The following TRIO variants were observed in gnomAD, a reference collection of about 807,000 sequenced individuals.
TRIO encodes trio Rho guanine nucleotide exchange factor, also known as triple functional domain protein.
A neutral mutation model predicts 351.9 loss-of-function variants in TRIO; 58 were observed. The observed-to-expected ratio is 0.16, with a 90% CI of 0.13 to 0.21. The LOEUF (loss-of-function observed/expected upper bound fraction) is 0.21, where lower values mean the gene tolerates loss of function less well. Ranked by LOEUF, TRIO falls within the 10% of genes least tolerant of loss-of-function variation. The probability of loss-of-function intolerance (pLI) is 1.00; values close to 1 mark genes in which losing one functional copy is unlikely to be tolerated. For missense variants in TRIO, 3,201 were observed against 4,027.8 expected, an observed-to-expected ratio of 0.79 and a Z score of 5.56; for synonymous variants, 1,758 against 1,595.7, an observed-to-expected ratio of 1.10 and a Z score of -2.42.
chr5:14,419,728 A>G (rs747491904), intron 33 of TRIO, 50 bp from the exon 34 acceptor site: 1 of 1,598,478 alleles, frequency 6.3e-7, no homozygotes, highest in Non-Finnish European at 8.5e-7. Flanking sequence ...ACCTGAAGGC[A>G]CCATGGCTCA....
Position 14,143,664 on chromosome 5 carries a change from CG to C in TRIO, c.-60del, listed in dbSNP as rs1787310721. On this transcript the variant is annotated 5_prime_UTR_variant, in exon 1 of 57. An upstream open reading frame in the 5' UTR loses its in-frame stop. Coordinates refer to ENST00000344204, the MANE Select transcript of TRIO (RefSeq NM_007118.4). ...GCCGCCAGGCCCGGCGCGGAGCGGG[CG>C]GCACGCGGCGCTAGGGGCGCGGGGC... is the stretch of plus-strand genomic sequence containing the variant. 1.2e-6 allele frequency: 1 copy of C among 845,416 alleles called. No homozygotes were observed. Among genetic ancestry groups the C allele is most frequent in the African/African-American group, 1.9e-5 (1 of 53,770 alleles). The allele number at this position is 845,416 out of a possible 1,614,324, so 52.4% of individuals were successfully genotyped here. A position where few individuals can be genotyped will look rare whatever the true frequency, so the allele number is the denominator to read the frequency against.
intron 11 of TRIO, among the ~76,000 whole-genome samples, chr5:14,338,572 T>G (rs1029698040): frequency 4.6e-5 from 7 of 152,320 alleles, no homozygotes; most frequent in Middle Eastern, 6.8e-3. Flanking sequence ...AGGTGATCTG[T>G]GTATGAAAAC....
chr5:14,455,910 G>T (rs2126462422), intron 34 of TRIO, among the ~76,000 whole-genome samples: 1 of 152,158 alleles, frequency 6.6e-6, no homozygotes, highest in East Asian at 1.9e-4. Flanking sequence ...TCAGCCCTTG[G>T]GCAGTCGATG....
At chr5:14,500,774 A>G (rs547061122) in intron 53 of TRIO, among the ~76,000 whole-genome samples, 18 of 151,940 alleles carry the variant, frequency 1.2e-4, no homozygotes, top group Non-Finnish European at 2.2e-4. Flanking sequence ...TGTGGTCCCA[A>G]CTACTCTGGA....
intron 1 of TRIO, among the ~76,000 whole-genome samples, chr5:14,242,871 AG>A (rs1347822551): frequency 3.3e-5 from 5 of 152,212 alleles, no homozygotes; most frequent in African/African-American, 1.2e-4. Flanking sequence ...GCATTGTTGG[AG>A]GATAAACCAG....
intron 2 of TRIO, among the ~76,000 whole-genome samples, chr5:14,277,883 A>G (rs1325549089): frequency 6.6e-6 from 1 of 152,252 alleles, no homozygotes; most frequent in Admixed American, 6.5e-5. Flanking sequence ...GAAAGTGATC[A>G]TTAACTGCGT....
intron 28 of TRIO, among the ~76,000 whole-genome samples, chr5:14,396,067 A>AAAG (rs1370318909): frequency 2.0e-5 from 3 of 150,244 alleles, no homozygotes; most frequent in African/African-American, 7.4e-5. Flanking sequence ...AAAAAAAAAA[A>AAAG]GGATCTTGGA....
At chr5:14,297,764 G>A (rs1425770617) in intron 7 of TRIO, among the ~76,000 whole-genome samples, 1 of 152,220 alleles carries the variant, frequency 6.6e-6, no homozygotes, top group Non-Finnish European at 1.5e-5. Flanking sequence ...GGCACCTCTA[G>A]CTGCACGGCT....
rs1037399560 is a variant in TRIO, at chr5:14,445,107, G to A, written c.5204-15912G>A. On this transcript the variant is annotated intron_variant, in intron 34 of 56. Coordinates refer to ENST00000344204, the MANE Select transcript of TRIO (RefSeq NM_007118.4). ...TTTTCATTCTGAAAAATTTCCTCCA[G>A]GTGCTCAAAGTTGGCCTCAGGGACA... 8.5e-5 allele frequency among the ~76,000 whole-genome samples: 13 copies of A among 152,226 alleles called. 1 individual carries two copies. Among genetic ancestry groups the A allele is most frequent in the Middle Eastern group, 3.4e-3 (1 of 294 alleles).
intron 8 of TRIO, 91 bp from the exon 9 acceptor site, chr5:14,316,422 G>A (rs980735213): frequency 3.3e-5 from 42 of 1,283,408 alleles, no homozygotes; most frequent in Middle Eastern, 5.2e-4. Context: ...GTGCCTGTAT[G>A]TGCACACACA....
At chr5:14,374,841 C>T (rs1028193221) in intron 19 of TRIO, among the ~76,000 whole-genome samples, 11 of 151,332 alleles carry the variant, frequency 7.3e-5, no homozygotes, top group Non-Finnish European at 4.4e-5. Flanking sequence ...CCTGTAAAAC[C>T]GTGTTTGTGT....
Position 14,387,452 on chromosome 5 carries a change from A to G in TRIO, c.3585A>G (p.Arg1195=). 6.2e-7 allele frequency: 1 copy of G among 1,609,598 alleles called. No individual in the cohort carries two copies. The highest frequency in any genetic ancestry group is 8.5e-7 in the Non-Finnish European group (1 of 1,177,666). Residue 1195 remains arginine, a synonymous_variant, in exon 22 of 57, where the codon AGA becomes AGG. Coordinates refer to ENST00000344204, the MANE Select transcript of TRIO (RefSeq NM_007118.4). ...GTTTTTTGCAGCAAACCAAAGAGAG[A>G]GTGAAGCTATTGATACAGCTGGCTG... is the stretch of plus-strand genomic sequence containing the variant. ...FQITAKQTKE[R]VKLLIQLADG... is the part of the protein sequence containing the mutation.
chr5:14,235,986 G>T (rs532061131), intron 1 of TRIO, among the ~76,000 whole-genome samples: 1 of 152,022 alleles, frequency 6.6e-6, no homozygotes, highest in African/African-American at 2.4e-5. Context: ...GTACATTTTC[G>T]ATGATACATA....
chr5:14,151,150 C>T (rs1470266940), intron 1 of TRIO, among the ~76,000 whole-genome samples: 1 of 152,156 alleles, frequency 6.6e-6, no homozygotes, highest in Non-Finnish European at 1.5e-5. Flanking sequence ...TATAGGAGGT[C>T]ATTTGCCCTC....
chr5:14,298,498 G>T (rs924022981), intron 7 of TRIO, among the ~76,000 whole-genome samples: 2 of 152,132 alleles, frequency 1.3e-5, no homozygotes, highest in African/African-American at 4.8e-5. Context: ...CTGGATTCAG[G>T]CATTTGCACG....
intron 41 of TRIO, 94 bp from the exon 42 acceptor site, chr5:14,479,167 G>A: frequency 2.9e-6 from 3 of 1,021,824 alleles, no homozygotes; most frequent in Middle Eastern, 2.0e-4. Context: ...TAAGATGAGT[G>A]CCTTTATGAA....
intron 55 of TRIO, among the ~76,000 whole-genome samples, chr5:14,506,192 T>C (rs1250160327): frequency 6.6e-6 from 1 of 152,164 alleles, no homozygotes; most frequent in East Asian, 1.9e-4. Flanking sequence ...TTGTCACAAA[T>C]CTCCTAAAGG....
chr5:14,320,649 G>A (rs538682045), intron 9 of TRIO, among the ~76,000 whole-genome samples: 17 of 152,280 alleles, frequency 1.1e-4, no homozygotes, highest in African/African-American at 4.1e-4. Flanking sequence ...TTCTTGTCCA[G>A]TCTTTATTCT....
chr5:14,506,121 GT>G (rs769640150), intron 55 of TRIO, among the ~76,000 whole-genome samples: 4 of 152,200 alleles, frequency 2.6e-5, no homozygotes, highest in Non-Finnish European at 5.9e-5. Flanking sequence ...CCAGACGCTG[GT>G]GACCAATGGC....
Sources: allele counts gnomAD v4.1 joint callset (sites outside exome capture counted in the v4.1 genomes callset), GRCh38; gene constraint gnomAD v4.1.1; transcripts MANE v1.5; gene names NCBI Gene and HGNC (gene_info 2026-07-23, HGNC 2026-07-21).